Variants in TRIO observed in about 807,000 individuals in gnomAD.
The protein encoded by TRIO is triple functional domain protein.
TRIO carries 58 observed loss-of-function variants against 351.9 expected under a neutral mutation model. That is an observed-to-expected ratio of 0.16 (90% confidence interval 0.13 to 0.21). TRIO has a LOEUF of 0.21. TRIO is among the 10% of genes least tolerant of loss of function. The pLI is 1.00. For synonymous variants in TRIO, 1,758 were observed against 1,595.7 expected (o/e 1.10, Z -2.42); for missense variants, 3,201 against 4,027.8 (o/e 0.79, Z 5.56).
chr5:14,399,448 T>C, intron 30 of TRIO: 1 of 278,942 alleles, frequency 3.6e-6, no homozygotes, highest in Non-Finnish European at 6.6e-6. Flanking sequence ...CATTGGAGTA[T>C]ATGGAAACAG....
At chr5:14,447,673 G>C (rs1191146852) in intron 34 of TRIO, among the ~76,000 whole-genome samples, 2 of 152,128 alleles carry the variant, frequency 1.3e-5, no homozygotes, top group African/African-American at 4.8e-5. Context: ...AGCAGCCAAA[G>C]TGATTTCATT....
In TRIO at chr5:14,487,513, C is replaced by A; in HGVS notation, c.6885C>A (p.Gly2295=). ...EYQRNHSGGG[G]GGGSGGSGGG... ...AGAGGAACCACAGCGGGGGCGGCGG[C>A]GGCGGCGGCAGCGGGGGCAGCGGCG... Residue 2295 remains glycine, a synonymous_variant, in exon 48 of 57, where the codon GGC becomes GGA. Coordinates refer to ENST00000344204, the MANE Select transcript of TRIO (RefSeq NM_007118.4). 1.1e-6 allele frequency: 1 copy of A among 934,662 alleles called. No homozygotes were observed. The highest frequency in any genetic ancestry group is 1.3e-6 in the Non-Finnish European group (1 of 749,992). 57.9% of individuals were successfully genotyped at this position (934,662 alleles called of 1,614,324 possible).
intron 1 of TRIO, among the ~76,000 whole-genome samples, chr5:14,230,464 A>T (rs395166): frequency 0.056 from 8,467 of 152,010 alleles, 861 homozygotes; most frequent in African/African-American, 0.19. Flanking sequence ...CAAATATAAA[A>T]TGAAACAAAG....
At chr5:14,159,971 A>G (rs1447571168) in intron 1 of TRIO, among the ~76,000 whole-genome samples, 1 of 152,252 alleles carries the variant, frequency 6.6e-6, no homozygotes, top group African/African-American at 2.4e-5. Flanking sequence ...TAATTTGCAT[A>G]AAATCGCATA....
At chr5:14,277,923 GC>G (rs1421293745) in intron 2 of TRIO, among the ~76,000 whole-genome samples, 2 of 152,230 alleles carry the variant, frequency 1.3e-5, no homozygotes, top group Non-Finnish European at 2.9e-5. Context: ...TGCACCCTTA[GC>G]AGGGAGATTA....
intron 1 of TRIO, among the ~76,000 whole-genome samples, chr5:14,206,679 GA>G (rs1791481662): frequency 6.6e-6 from 1 of 152,198 alleles, no homozygotes; most frequent in Non-Finnish European, 1.5e-5. Flanking sequence ...GTGTATGACT[GA>G]AGTACATATT....
At chr5:14,465,109 AG>A (rs1224401974) in intron 36 of TRIO, among the ~76,000 whole-genome samples, 1 of 151,868 alleles carries the variant, frequency 6.6e-6, no homozygotes, top group African/African-American at 2.4e-5. Flanking sequence ...GCCATTTCTT[AG>A]TACCTGTTTT....
At chr5:14,388,805 T>G (rs1359040762) in intron 24 of TRIO, 126 bp downstream of exon 24, 1 of 1,113,976 alleles carries the variant, frequency 9.0e-7, no homozygotes, top group South Asian at 1.6e-5. Flanking sequence ...TTTTTAAATG[T>G]AAAGTATGCT....
chr5:14,424,502 A>C (rs1051482547), intron 34 of TRIO, among the ~76,000 whole-genome samples: 1 of 152,200 alleles, frequency 6.6e-6, no homozygotes, highest in African/African-American at 2.4e-5. Flanking sequence ...GGGAAAAAAA[A>C]CATGAGAAAT....
At chr5:14,157,305 A>G (rs1788155717) in intron 1 of TRIO, among the ~76,000 whole-genome samples, 1 of 152,220 alleles carries the variant, frequency 6.6e-6, no homozygotes, top group Admixed American at 6.5e-5. Context: ...ATGTGCAGTC[A>G]GTCCCAGAAA....
chr5:14,306,796 A>G (rs557292), intron 8 of TRIO, among the ~76,000 whole-genome samples: 19,630 of 152,174 alleles, frequency 0.13, 2,531 homozygotes, highest in African/African-American at 0.33. Flanking sequence ...GGCAGTTTTC[A>G]TTAAATACAG....
chr5:14,170,780 C>G (rs1789053589), intron 1 of TRIO, among the ~76,000 whole-genome samples: 1 of 152,162 alleles, frequency 6.6e-6, no homozygotes, highest in South Asian at 2.1e-4. Context: ...GCTGGGATTA[C>G]AGGAGTGAAC....
At chr5:14,451,953 G>A (rs150052429) in intron 34 of TRIO, among the ~76,000 whole-genome samples, 2 of 152,362 alleles carry the variant, frequency 1.3e-5, no homozygotes, top group East Asian at 1.9e-4. Flanking sequence ...AATCCTTTGG[G>A]GGAGACAGCG....
At chr5:14,375,432 G>GA (rs1343425837) in intron 19 of TRIO, among the ~76,000 whole-genome samples, 1 of 152,238 alleles carries the variant, frequency 6.6e-6, no homozygotes, top group South Asian at 2.1e-4. Flanking sequence ...GTGTGAGAGG[G>GA]AGACTGTGTT....
intron 1 of TRIO, among the ~76,000 whole-genome samples, chr5:14,259,510 A>G (rs998357793): frequency 1.3e-5 from 2 of 152,200 alleles, no homozygotes; most frequent in Non-Finnish European, 2.9e-5. Flanking sequence ...AGGAGGGTAA[A>G]TAATAGGGGC....
chr5:14,358,386 A>G, intron 12 of TRIO, 39 bp downstream of exon 12: 1 of 1,605,070 alleles, frequency 6.2e-7, no homozygotes, highest in Non-Finnish European at 8.5e-7. Flanking sequence ...CAGATTCTGA[A>G]ACCCTGCCTG....
intron 34 of TRIO, among the ~76,000 whole-genome samples, chr5:14,441,536 T>A (rs1752049351): frequency 1.3e-5 from 2 of 151,886 alleles, no homozygotes; most frequent in Non-Finnish European, 2.9e-5. Context: ...GGAGATGGTT[T>A]ATGGGGGGGC....
Position 14,465,554 on chromosome 5 carries a change from C to T in TRIO, c.5677C>T (p.Arg1893Trp), listed in dbSNP as rs576819283. The change falls in exon 37 of 57, where the codon CGG (arginine) becomes TGG (tryptophan). Residue 1893 changes from arginine (R) to tryptophan (W), a missense_variant. Arg to Trp is a moderately radical substitution (Grantham distance 101). Transcript: ENST00000344204. Reference protein sequence around the residue: ...PDSQDDKASSRLLVRPTSSET... With the variant: ...PDSQDDKASSWLLVRPTSSET... ...TTAATTTCTTCTGTAGGCCTCTTCT[C>T]GGTTATTAGTCCGCCCCACCAGCTC... 8 of 1,614,004 alleles carry T rather than the reference C, an allele frequency of 5.0e-6. No homozygotes were observed. In the African/African-American group the frequency reaches 5.3e-5, roughly 11 times the overall value.
intron 2 of TRIO, among the ~76,000 whole-genome samples, chr5:14,276,936 T>C (rs558340474): frequency 7.9e-5 from 12 of 152,344 alleles, no homozygotes; most frequent in Non-Finnish European, 1.5e-4. Context: ...AGCTATAGTG[T>C]AGGACCCTTT....
Sources: allele counts gnomAD v4.1 joint callset (sites outside exome capture counted in the v4.1 genomes callset), GRCh38; gene constraint gnomAD v4.1.1; transcripts MANE v1.5; gene names NCBI Gene and HGNC (gene_info 2026-07-23, HGNC 2026-07-21).